The following NUMB variants were observed in gnomAD, a reference collection of about 807,000 sequenced individuals.
The protein encoded by NUMB is NUMB endocytic adaptor protein, also known as protein numb homolog.
NUMB carries 29 observed loss-of-function variants against 59.7 expected under a neutral mutation model. The observed-to-expected ratio is 0.49, with a 90% CI of 0.36 to 0.66. The LOEUF is 0.66. NUMB is among the 30% of genes least tolerant of loss of function. NUMB has a pLI of 0.00. For synonymous variants in NUMB, 288 were observed against 288.2 expected, an observed-to-expected ratio of 1.00 and a Z score of 0.01; for missense variants, 723 against 822.0, an observed-to-expected ratio of 0.88 and a Z score of 1.47.
chr14:73,364,190 G>C (rs982685088), intron 3 of NUMB, among the ~76,000 whole-genome samples: 1 of 152,104 alleles, frequency 6.6e-6, no homozygotes, highest in African/African-American at 2.4e-5. Flanking sequence ...TTTTAACCTA[G>C]AAAAAGTTTC....
intron 2 of NUMB, among the ~76,000 whole-genome samples, chr14:73,381,436 C>G (rs1895237146): frequency 2.0e-5 from 3 of 152,156 alleles, no homozygotes; most frequent in African/African-American, 7.2e-5. Flanking sequence ...TCAGACCAAG[C>G]TTCTTTGATG....
chr14:73,436,283 T>C (rs1202681333), intron 1 of NUMB, among the ~76,000 whole-genome samples: 1 of 152,212 alleles, frequency 6.6e-6, no homozygotes, highest in Non-Finnish European at 1.5e-5. Context: ...TCACTTGGGT[T>C]TTCTTATCAC....
chr14:73,316,115 C>T lies in NUMB; in HGVS notation c.234+275G>A, dbSNP rs140488391. Among the ~76,000 whole-genome samples, 370 of 152,272 alleles carry T rather than the reference C, an allele frequency of 2.4e-3. 3 individuals carry two copies. Among genetic ancestry groups the T allele is most frequent in the African/African-American group, 8.4e-3 (350 of 41,554 alleles). On this transcript the variant is annotated intron_variant, in intron 6 of 12. Transcript: ENST00000555238. ...GGTCTCGAACTCCTCAGGTGATCCA[C>T]CAGCCTTGGCCTCCCAAAGTGCTGG...
At chr14:73,389,272 C>CAAAAAAAAAAAAAAAAAAAAAAAA (rs869074049) in intron 2 of NUMB, among the ~76,000 whole-genome samples, 3 of 66,476 alleles carry the variant, frequency 4.5e-5, no homozygotes, top group African/African-American at 1.7e-4. Flanking sequence ...CTCCATCTCT[C>CAAAAAAAAAAAAAAAAAAAAAAAA]AAAAAAAAAA....
intron 4 of NUMB, among the ~76,000 whole-genome samples, chr14:73,336,266 T>C (rs768208110): frequency 1.3e-4 from 20 of 152,246 alleles, no homozygotes; most frequent in Non-Finnish European, 2.8e-4. Context: ...TGTTATTACA[T>C]ATATTAACTT....
At chr14:73,389,293 ACAAAAAC>A (rs1440217460) in intron 2 of NUMB, among the ~76,000 whole-genome samples, 42 of 84,658 alleles carry the variant, frequency 5.0e-4, no homozygotes, top group African/African-American at 1.9e-3. Context: ...AAAAAAAAAA[ACAAAAAC>A]AAAAACACTG....
intron 1 of NUMB, among the ~76,000 whole-genome samples, chr14:73,425,231 C>T (rs573911707): frequency 1.3e-5 from 2 of 152,094 alleles, no homozygotes; most frequent in Non-Finnish European, 2.9e-5. Context: ...GTATCAATTA[C>T]ATGAATATTT....
At chr14:73,278,745 T>TCTC (rs201063200) in intron 12 of NUMB, among the ~76,000 whole-genome samples, 1 of 107,352 alleles carries the variant, frequency 9.3e-6, no homozygotes, top group South Asian at 3.7e-4. Flanking sequence ...TTTTTTTTTT[T>TCTC]GAGACAGAGT....
At chr14:73,393,099 G>A (rs954952351) in intron 2 of NUMB, among the ~76,000 whole-genome samples, 1 of 152,190 alleles carries the variant, frequency 6.6e-6, no homozygotes, top group African/African-American at 2.4e-5. Flanking sequence ...AAAAGAAGTT[G>A]AGAAGTTGAA....
chr14:73,453,017 A>G (rs1408531362), intron 1 of NUMB, among the ~76,000 whole-genome samples: 1 of 152,160 alleles, frequency 6.6e-6, no homozygotes, highest in African/African-American at 2.4e-5. Context: ...CACTTCCTGT[A>G]GATCCTCCAG....
In NUMB at chr14:73,386,879, T is replaced by TTTTTA. The variant is rs1436481575; in HGVS notation, c.-100-19899_-100-19898insTAAAA. On this transcript the variant is annotated intron_variant, in intron 2 of 12. Transcript: ENST00000555238. Reference sequence around the variant, plus strand: ...TATCAGGTGTCTTATTTTTTTTTTTTTTTTTTTTTTTTTTTTTTTGAGACG... The same window carrying TTTTTA: ...TATCAGGTGTCTTATTTTTTTTTTTTTTTTATTTTTTTTTTTTTTTTTTTGAGACG... Among the ~76,000 whole-genome samples the TTTTTA allele has an allele frequency of 2.6e-4, 17 of 64,880 alleles. 1 individual carries two copies. Among genetic ancestry groups the TTTTTA allele is most frequent in the Admixed American group, 5.3e-4 (3 of 5,612 alleles). The allele number at this position is 64,880 out of a possible 152,430, so 42.6% of individuals were successfully genotyped here. A position where few individuals can be genotyped will look rare whatever the true frequency, so the allele number is the denominator to read the frequency against.
At chr14:73,390,227 T>C (rs1410917235) in intron 2 of NUMB, among the ~76,000 whole-genome samples, 1 of 152,332 alleles carries the variant, frequency 6.6e-6, no homozygotes, top group African/African-American at 2.4e-5. Context: ...GAATAGATTA[T>C]GGTATATCTA....
At chr14:73,351,497 A>AAATT (rs1893258958) in intron 4 of NUMB, among the ~76,000 whole-genome samples, 2 of 152,054 alleles carry the variant, frequency 1.3e-5, no homozygotes, top group Non-Finnish European at 2.9e-5. Context: ...ATAAATAAAT[A>AAATT]AATTAATTAA....
At chr14:73,324,498 T>G (rs1292966946) in intron 4 of NUMB, among the ~76,000 whole-genome samples, 1 of 152,180 alleles carries the variant, frequency 6.6e-6, no homozygotes, top group Admixed American at 6.6e-5. Flanking sequence ...GGGAAAGTTC[T>G]CTTCTCCCCA....
At position 73,407,909 on chromosome 14, in the gene NUMB, G is replaced by A. The variant is rs142531943; in HGVS notation, c.-101+2028C>T. 4.7e-3 allele frequency among the ~76,000 whole-genome samples: 708 copies of A among 152,226 alleles called. 5 individuals carry two copies. Among genetic ancestry groups the A allele is most frequent in the South Asian group, 0.03 (143 of 4,822 alleles). On this transcript the variant is annotated intron_variant, in intron 2 of 12. Transcript: ENST00000555238. ...AGTCAATAAGGCAACAAAATACTCT[G>A]TAACTTTGCAGTTTTCTCATCCCAC...
chr14:73,443,263 A>G (rs550408501), intron 1 of NUMB, among the ~76,000 whole-genome samples: 1 of 152,324 alleles, frequency 6.6e-6, no homozygotes, highest in South Asian at 2.1e-4. Flanking sequence ...GAAGAGAACT[A>G]TACTAGCCTT....
chr14:73,410,498 G>C (rs939288005), intron 1 of NUMB, among the ~76,000 whole-genome samples: 4 of 152,116 alleles, frequency 2.6e-5, no homozygotes, highest in African/African-American at 9.7e-5. Context: ...TCTCTAAAAG[G>C]GGAAGGTTGA....
At chr14:73,291,809 G>T (rs542626243) in intron 8 of NUMB, among the ~76,000 whole-genome samples, 1 of 150,576 alleles carries the variant, frequency 6.6e-6, no homozygotes, top group Non-Finnish European at 1.5e-5. Context: ...TCAGCCTCCC[G>T]AGTAGCTGGG....
At chr14:73,403,713 T>C (rs1012552443) in intron 2 of NUMB, among the ~76,000 whole-genome samples, 4 of 151,938 alleles carry the variant, frequency 2.6e-5, no homozygotes, top group South Asian at 4.1e-4. Context: ...CCCAGCACTT[T>C]GGGAAGCCGA....
Sources: allele counts gnomAD v4.1 joint callset (sites outside exome capture counted in the v4.1 genomes callset), GRCh38; gene constraint gnomAD v4.1.1; transcripts MANE v1.5; gene names NCBI Gene and HGNC (gene_info 2026-07-23, HGNC 2026-07-21).